The following PHKA2 variants were observed in gnomAD, a reference collection of about 807,000 sequenced individuals.
PHKA2 encodes the protein phosphorylase kinase regulatory subunit alpha 2, also known as phosphorylase b kinase regulatory subunit alpha, liver isoform.
In PHKA2, 31 loss-of-function variants were observed where a neutral mutation model predicts 102.0. That is an observed-to-expected ratio of 0.30 (90% CI 0.23 to 0.41). The LOEUF (loss-of-function observed/expected upper bound fraction) is 0.41. Among genes scored for constraint, PHKA2 ranks in the 10% least tolerant of loss-of-function variants. The probability of loss-of-function intolerance (pLI) is 1.00; values close to 1 mark genes in which losing one functional copy is unlikely to be tolerated. For missense variants in PHKA2, 858 were observed against 1,023.1 expected (o/e 0.84, Z 2.20); for synonymous variants, 455 against 416.2 (o/e 1.09, Z -1.13).
intron 1 of PHKA2, among the ~76,000 whole-genome samples, chrX:18,968,317 G>A (rs777915118): frequency 6.2e-5 from 7 of 112,217 alleles, no homozygotes; most frequent in African/African-American, 9.7e-5. Flanking sequence ...TTTAATGTCC[G>A]GCTTAATAGA....
chrX:18,943,722 G>A lies in PHKA2; in HGVS notation c.705C>T (p.Val235=), dbSNP rs946938479. 1 of 1,205,468 alleles carries A rather than the reference G, an allele frequency of 8.3e-7. No individual in the cohort carries two copies. Among genetic ancestry groups the A allele is most frequent in the Non-Finnish European group, 1.1e-6 (1 of 889,784 alleles). ...KSVIHVLPDE[V]EHCQSILFSM... ...AAGAGGCTATTACCTGGCAGTGCTC[G>A]ACCTCATCTGGCAGAACATGAATCA... Residue 235 remains valine (V), a synonymous_variant, in exon 7 of 33, where the codon GTC becomes GTT. Transcript: ENST00000379942.
chrX:18,951,250 T>C lies in PHKA2; in HGVS notation c.308A>G (p.Lys103Arg), dbSNP rs2048680804. Residue 103 changes from lysine to arginine, a missense_variant, in exon 4 of 33, where the codon AAA becomes AGA. Coordinates refer to ENST00000379942, the MANE Select transcript of PHKA2 (RefSeq NM_000292.3). ...GCTGTCCTTGGTGCTCTGAGTGTGT[T>C]TGAACTTCTCCACTTTGGCCACCTG... ...MRQVAKVEKF[K>R]HTQSTKDSLH... 6 of 1,210,070 alleles carry C rather than the reference T, an allele frequency of 5.0e-6. No individual in the cohort carries two copies. Among genetic ancestry groups the C allele is most frequent in the South Asian group, 1.8e-5 (1 of 56,832 alleles).
At chrX:18,921,898 T>G (rs1452861125) in intron 17 of PHKA2, among the ~76,000 whole-genome samples, 2 of 112,734 alleles carry the variant, frequency 1.8e-5, no homozygotes, top group African/African-American at 3.2e-5. Flanking sequence ...ACACGGCCAG[T>G]GCTCAGTGAA....
chrX:18,894,138 T>C, intron 32 of PHKA2, 66 bp downstream of exon 32: 2 of 994,900 alleles, frequency 2.0e-6, no homozygotes, highest in Non-Finnish European at 2.9e-6. Flanking sequence ...TCTTTCCTAT[T>C]GGACACAGAA....
At chrX:18,946,408 C>CT (rs1423242629) in intron 5 of PHKA2, among the ~76,000 whole-genome samples, 1 of 110,985 alleles carries the variant, frequency 9.0e-6, no homozygotes, top group Non-Finnish European at 1.9e-5. Flanking sequence ...TCAAAAACTG[C>CT]TTTGATTGCT....
At chrX:18,905,970 C>G in intron 25 of PHKA2, 111 bp from the exon 26 acceptor site, 1 of 549,791 alleles carries the variant, frequency 1.8e-6, no homozygotes, top group East Asian at 3.4e-5. Flanking sequence ...CATGGCAGGT[C>G]CCCCTGTTCA....
intron 1 of PHKA2, among the ~76,000 whole-genome samples, chrX:18,966,753 TCTAA>T (rs2048950812): frequency 9.0e-6 from 1 of 111,660 alleles, no homozygotes; most frequent in African/African-American, 3.3e-5. Flanking sequence ...CCAGTCCCTG[TCTAA>T]CTAGGCACTA....
chrX:18,971,785 C>T (rs2049022460), intron 1 of PHKA2, among the ~76,000 whole-genome samples: 1 of 112,550 alleles, frequency 8.9e-6, no homozygotes, highest in Non-Finnish European at 1.9e-5. Context: ...AATTCAGAAG[C>T]AGCTTTAACT....
chrX:18,898,041 G>T (rs1305402826), intron 29 of PHKA2: 1 of 112,859 alleles, frequency 8.9e-6, no homozygotes, highest in Non-Finnish European at 1.9e-5. Flanking sequence ...GGCAATACAT[G>T]ACACGGGGGA....
At chrX:18,923,992 G>A in intron 17 of PHKA2, 64 bp downstream of exon 17, 1 of 749,800 alleles carries the variant, frequency 1.3e-6, no homozygotes, top group Non-Finnish European at 2.1e-6. Flanking sequence ...TGGGACAAGG[G>A]CAGCAAAGGA....
intron 4 of PHKA2, 115 bp from the exon 5 acceptor site, chrX:18,948,941 C>A: frequency 1.9e-6 from 1 of 523,796 alleles, no homozygotes. Flanking sequence ...ATTTTTCTTC[C>A]AAAGGCATCA....
intron 30 of PHKA2, 38 bp downstream of exon 30, chrX:18,897,125 G>T: frequency 2.5e-6 from 3 of 1,200,198 alleles, no homozygotes; most frequent in Non-Finnish European, 3.4e-6. Context: ...ACAGTAAGGG[G>T]ACGGTTCACT....
At chrX:18,896,168 G>T (rs1246750277) in intron 30 of PHKA2, 1 of 109,165 alleles carries the variant, frequency 9.2e-6, no homozygotes, top group Non-Finnish European at 1.9e-5. Context: ...CTAAAAAATA[G>T]TTCTGGGGGG....
intron 26 of PHKA2, among the ~76,000 whole-genome samples, chrX:18,902,582 A>G (rs1474664325): frequency 2.9e-5 from 3 of 103,882 alleles, no homozygotes; most frequent in African/African-American, 1.1e-4. Context: ...ACCAACATGG[A>G]AAAACCCTGT....
chrX:18,937,629 A>C (rs1206073824), intron 10 of PHKA2, among the ~76,000 whole-genome samples: 1 of 111,894 alleles, frequency 8.9e-6, no homozygotes, highest in Non-Finnish European at 1.9e-5. Flanking sequence ...AGGAGGGCAC[A>C]TGGCCTGTTT....
chrX:18,929,423 T>C (rs2048277543), intron 12 of PHKA2, 117 bp from the exon 13 acceptor site: 1 of 543,106 alleles, frequency 1.8e-6, no homozygotes, highest in Non-Finnish European at 3.2e-6. Flanking sequence ...TTTTTCTTTA[T>C]ATTTTTCGAG....
At chrX:18,953,641 G>C (rs745978025) in intron 2 of PHKA2, among the ~76,000 whole-genome samples, 3 of 111,904 alleles carry the variant, frequency 2.7e-5, no homozygotes, top group South Asian at 7.4e-4. Context: ...AATGGATAAA[G>C]TACGTGTGAA....
chrX:18,919,085 A>C (rs747824103), intron 18 of PHKA2, among the ~76,000 whole-genome samples: 1 of 111,602 alleles, frequency 9.0e-6, no homozygotes, highest in African/African-American at 3.3e-5. Context: ...AGGAAAAAAA[A>C]ACTACCAGTC....
chrX:18,966,523 A>C (rs775412524), intron 1 of PHKA2, among the ~76,000 whole-genome samples: 4 of 111,863 alleles, frequency 3.6e-5, no homozygotes, highest in Non-Finnish European at 7.5e-5. Flanking sequence ...TAAATGGAGG[A>C]TTTGAGCACT....
Sources: gnomAD v4.1 joint callset for allele counts (sites outside exome capture counted in the v4.1 genomes callset) on GRCh38, gnomAD v4.1.1 for gene constraint, MANE v1.5 for transcripts, NCBI Gene and HGNC (gene_info 2026-07-23, HGNC 2026-07-21) for gene names.